The following ARID3A variants were observed in gnomAD, a reference collection of about 807,000 sequenced individuals.
ARID3A encodes the protein AT-rich interactive domain-containing protein 3A.
ARID3A carries 11 observed loss-of-function variants against 52.7 expected under a neutral mutation model. The ratio of observed to expected loss-of-function variants is 0.21; its 90% confidence interval spans 0.13 to 0.35. The LOEUF (loss-of-function observed/expected upper bound fraction) is 0.35, where lower values mean the gene tolerates loss of function less well. Among genes scored for constraint, ARID3A ranks in the 10% least tolerant of loss-of-function variants. The probability of loss-of-function intolerance (pLI) is 1.00; values close to 1 mark genes in which losing one functional copy is unlikely to be tolerated. For missense variants in ARID3A, 721 were observed against 838.5 expected (o/e 0.86, Z 1.73); for synonymous variants, 404 against 359.4 (o/e 1.12, Z -1.40).
chr19:975,441 C>T lies in ARID3A; in HGVS notation c.*3376C>T. ...ATTTCCTTTCTCTTATCATGTTTTA[C>T]CCACCTTGTCCCTTTTTTCCCCAAT... On this transcript the variant is annotated 3_prime_UTR_variant, in exon 9 of 9. Coordinates refer to ENST00000263620, the MANE Select transcript of ARID3A (RefSeq NM_005224.3). The T allele has an allele frequency of 4.3e-6, 1 of 230,682 alleles. No individual in the cohort carries two copies. Among genetic ancestry groups the T allele is most frequent in the Non-Finnish European group, 8.6e-6 (1 of 116,406 alleles). 14.3% of individuals were successfully genotyped at this position (230,682 alleles called of 1,614,324 possible). A position where few individuals can be genotyped will look rare whatever the true frequency, so the allele number is the denominator to read the frequency against.
chr19:969,878 A>G (rs2038241654), intron 8 of ARID3A, among the ~76,000 whole-genome samples: 1 of 151,666 alleles, frequency 6.6e-6, no homozygotes, highest in East Asian at 2.0e-4. Flanking sequence ...TTTTTAGTAG[A>G]GATGAGGTTT....
At chr19:956,202 T>A (rs973396143) in intron 3 of ARID3A, among the ~76,000 whole-genome samples, 11 of 152,134 alleles carry the variant, frequency 7.2e-5, no homozygotes, top group Non-Finnish European at 1.0e-4. Flanking sequence ...TCCTCCCCAT[T>A]CCAGTACCTG....
At position 941,459 on chromosome 19, in the gene ARID3A, G is replaced by T. The variant is rs529780493; in HGVS notation, c.693+8717G>T. On this transcript the variant is annotated intron_variant, in intron 3 of 8. Coordinates refer to ENST00000263620, the MANE Select transcript of ARID3A (RefSeq NM_005224.3). The surrounding 1 kb of genome is among the most constrained non-coding windows in gnomAD (Gnocchi z 6.9). ...GCGCCCGCCTGCGTGTCCCCAGCCA[G>T]CACCACGGTGTTCGTTTAGGTCTCT... Among the ~76,000 whole-genome samples the T allele has an allele frequency of 5.1e-4, 77 of 152,336 alleles. No individual in the cohort carries two copies. The highest frequency in any genetic ancestry group is 1.8e-3 in the African/African-American group (74 of 41,576).
At chr19:948,909 A>G (rs988070069) in intron 3 of ARID3A, among the ~76,000 whole-genome samples, 9 of 152,000 alleles carry the variant, frequency 5.9e-5, no homozygotes, top group South Asian at 2.1e-4. Flanking sequence ...GGGTTTTGCC[A>G]TGTTGGCCGG....
At chr19:956,875 C>T (rs980780404) in intron 3 of ARID3A, among the ~76,000 whole-genome samples, 1 of 152,210 alleles carries the variant, frequency 6.6e-6, no homozygotes, top group Admixed American at 6.5e-5. Flanking sequence ...GGGATGTCCC[C>T]GCAGCAGCAG....
chr19:936,226 A>T (rs960725343), intron 3 of ARID3A, among the ~76,000 whole-genome samples: 1 of 152,274 alleles, frequency 6.6e-6, no homozygotes, highest in Non-Finnish European at 1.5e-5. Flanking sequence ...TTATTGGGCT[A>T]TACTTCATAT....
chr19:962,197 A>G (rs115918455), intron 4 of ARID3A, among the ~76,000 whole-genome samples: 1,584 of 152,202 alleles, frequency 0.01, 24 homozygotes, highest in African/African-American at 0.036. Flanking sequence ...AGACTTCACA[A>G]TCTTCCTCTC....
intron 3 of ARID3A, among the ~76,000 whole-genome samples, chr19:940,891 C>T (rs1476295165): frequency 2.6e-5 from 4 of 152,176 alleles, no homozygotes; most frequent in East Asian, 1.9e-4. Context: ...CTGCTGGCGC[C>T]GGGCCAGCTG....
rs28793049 is a variant in ARID3A, at chr19:937,544, G to A, written c.693+4802G>A. The stretch of plus-strand genomic sequence containing the variant: ...GTACGTTTGTATTACTTTTGGGTGT[G>A]TATCTGGGAGAATTGCTGGGTCTGC... On this transcript the variant is annotated intron_variant, in intron 3 of 8. Transcript: ENST00000263620. 7.4e-3 allele frequency among the ~76,000 whole-genome samples: 1,133 copies of A among 152,156 alleles called. 13 individuals carry two copies. Among genetic ancestry groups the A allele is most frequent in the African/African-American group, 0.027 (1,103 of 41,502 alleles).
At position 929,897 on chromosome 19, in the gene ARID3A, G is replaced by GTGA; in HGVS notation, c.368+2_368+4dup. On this transcript the variant is annotated splice_donor_variant, in intron 2 of 8. Transcript: ENST00000263620. LOFTEE classifies it high-confidence loss of function. The surrounding 1 kb of genome is among the most constrained non-coding windows in gnomAD (Gnocchi z 6.2). ...AGGACATGGCCTCCGACGAGGACAT[G>GTGA]TGAGTTGGGGTCTGGGGCAGGGCCT... 1.9e-6 allele frequency: 3 copies of GTGA among 1,540,190 alleles called. No individual in the cohort carries two copies. Among genetic ancestry groups the GTGA allele is most frequent in the Non-Finnish European group, 2.6e-6 (3 of 1,146,828 alleles).
chr19:968,126 C>G lies in ARID3A; in HGVS notation c.1496-279C>G, dbSNP rs188864716. On this transcript the variant is annotated intron_variant, in intron 7 of 8. Transcript: ENST00000263620. ...CTATAATCCCAGCACTTTGGGAGGC[C>G]GAGGCGGGTGGATCACGAGGTCAAG... 7.9e-5 allele frequency among the ~76,000 whole-genome samples: 12 copies of G among 151,176 alleles called. No individual in the cohort carries two copies. In the East Asian group the frequency reaches 2.3e-3, roughly 30 times the overall value.
chr19:962,394 C>T (rs2038059683), intron 4 of ARID3A, among the ~76,000 whole-genome samples: 1 of 152,140 alleles, frequency 6.6e-6, no homozygotes, highest in South Asian at 2.1e-4. Flanking sequence ...CCCCACCCTT[C>T]CTTATCTGGG....
chr19:957,191 G>A (rs2037939870), intron 3 of ARID3A, among the ~76,000 whole-genome samples: 1 of 152,090 alleles, frequency 6.6e-6, no homozygotes, highest in African/African-American at 2.4e-5. Context: ...ACGTTCCGGG[G>A]CCTGGTGATC....
At chr19:933,625 TCCG>T (rs1408355403) in intron 3 of ARID3A, among the ~76,000 whole-genome samples, 17 of 152,126 alleles carry the variant, frequency 1.1e-4, no homozygotes, top group Admixed American at 1.1e-3. Flanking sequence ...GCTTCCAGAA[TCCG>T]CTCTGAGGAG....
intron 6 of ARID3A, among the ~76,000 whole-genome samples, chr19:965,801 A>G (rs1375867227): frequency 3.3e-5 from 5 of 149,952 alleles, no homozygotes; most frequent in African/African-American, 9.8e-5. Context: ...AGACCAGCCT[A>G]ATCAATATGG....
intron 3 of ARID3A, among the ~76,000 whole-genome samples, chr19:952,339 G>A (rs968275882): frequency 3.3e-4 from 49 of 149,778 alleles, no homozygotes; most frequent in African/African-American, 9.8e-4. Flanking sequence ...CTACTCCAGA[G>A]GCTGAGGCAG....
intron 7 of ARID3A, among the ~76,000 whole-genome samples, chr19:967,535 G>A (rs906726014): frequency 6.6e-6 from 1 of 152,134 alleles, no homozygotes; most frequent in African/African-American, 2.4e-5. Context: ...TTCCAGCCTG[G>A]GTGACAGAGC....
chr19:957,580 C>T (rs1397622956), intron 3 of ARID3A, among the ~76,000 whole-genome samples: 2 of 152,322 alleles, frequency 1.3e-5, no homozygotes, highest in East Asian at 1.9e-4. Flanking sequence ...GTGGCTCCCG[C>T]CTGTGACCCC....
At chr19:961,757 A>G (rs2038046055) in intron 4 of ARID3A, 1 of 152,250 alleles carries the variant, frequency 6.6e-6, no homozygotes, top group South Asian at 2.1e-4. Flanking sequence ...CGTCTCTACT[A>G]AAAGTACAAA....
Sources: gnomAD v4.1 joint callset for allele counts (sites outside exome capture counted in the v4.1 genomes callset) on GRCh38, gnomAD v4.1.1 for gene constraint, Gnocchi (gnomAD v3.1) non-coding constraint, MANE v1.5 for transcripts, NCBI Gene and HGNC (gene_info 2026-07-23, HGNC 2026-07-21) for gene names.